LARP4B: variants seen among roughly 807,000 people sequenced by gnomAD.
LARP4B encodes the protein la-related protein 4B.
In LARP4B, 12 loss-of-function variants were observed where a neutral mutation model predicts 89.8. The ratio of observed to expected loss-of-function variants is 0.13; its 90% confidence interval spans 0.09 to 0.22. The LOEUF is 0.22. LARP4B is among the 10% of genes least tolerant of loss of function. The pLI, the probability that LARP4B is intolerant of heterozygous loss-of-function variation, is 1.00. For synonymous variants in LARP4B, 367 were observed against 363.3 expected (o/e 1.01, Z -0.12); for missense variants, 757 against 947.7 (o/e 0.80, Z 2.64).
intron 3 of LARP4B, among the ~76,000 whole-genome samples, chr10:877,864 C>T (rs748639247): frequency 2.0e-5 from 3 of 152,150 alleles, no homozygotes; most frequent in Non-Finnish European, 2.9e-5. Context: ...CATTCTAGTC[C>T]AGGGAGACAA....
chr10:948,350 G>A, the LARP4B span, among the ~76,000 whole-genome samples: 8 of 152,120 alleles, frequency 5.3e-5, no homozygotes, highest in South Asian at 2.1e-4. Flanking sequence ...AGGTTCAAGC[G>A]ATTCTCCTGC....
chr10:844,256 G>GC (rs1833667130), intron 6 of LARP4B, among the ~76,000 whole-genome samples: 1 of 152,190 alleles, frequency 6.6e-6, no homozygotes, highest in Non-Finnish European at 1.5e-5. Flanking sequence ...TTCCACTGGT[G>GC]CCCCTGCACC....
At chr10:842,080 G>C (rs1166975921) in intron 7 of LARP4B, among the ~76,000 whole-genome samples, 1 of 152,074 alleles carries the variant, frequency 6.6e-6, no homozygotes, top group Non-Finnish European at 1.5e-5. Flanking sequence ...ATTGAGACTT[G>C]AAGTCAGGCT....
At chr10:947,437 A>G in the LARP4B span, among the ~76,000 whole-genome samples, 35,234 of 151,896 alleles carry the variant, frequency 0.23, 4,832 homozygotes, top group African/African-American at 0.39. Flanking sequence ...AGGCAGTCAG[A>G]ACACACCACG....
chr10:898,987 T>G (rs1836261658), intron 1 of LARP4B, among the ~76,000 whole-genome samples: 1 of 152,230 alleles, frequency 6.6e-6, no homozygotes, highest in African/African-American at 2.4e-5. Flanking sequence ...CTCAGAGAAG[T>G]GCACCTACAG....
intron 1 of LARP4B, among the ~76,000 whole-genome samples, chr10:909,472 T>C (rs1345436053): frequency 6.6e-6 from 1 of 151,992 alleles, no homozygotes; most frequent in African/African-American, 2.4e-5. Flanking sequence ...CCCCTAAAAT[T>C]GTTACTTACA....
chr10:910,429 TGA>T (rs1431489482), intron 1 of LARP4B, among the ~76,000 whole-genome samples: 1 of 152,244 alleles, frequency 6.6e-6, no homozygotes, highest in Admixed American at 6.5e-5. Flanking sequence ...CTGGTTTTTC[TGA>T]GAGTGGCGCT....
chr10:873,085 C>A, intron 3 of LARP4B: 1 of 985,312 alleles, frequency 1.0e-6, no homozygotes. Flanking sequence ...ATTTTTGTAA[C>A]AGGCCAGTTT....
At chr10:978,574 T>C in the LARP4B span, among the ~76,000 whole-genome samples, 1 of 152,176 alleles carries the variant, frequency 6.6e-6, no homozygotes, top group Non-Finnish European at 1.5e-5. Flanking sequence ...ATCATTAACC[T>C]AGGAATTATA....
chr10:884,950 TTTTG>T (rs1227791956), intron 2 of LARP4B, among the ~76,000 whole-genome samples: 1 of 152,194 alleles, frequency 6.6e-6, no homozygotes, highest in East Asian at 1.9e-4. Flanking sequence ...GCTATAACAA[TTTTG>T]TTTTTGTTAT....
intron 5 of LARP4B, among the ~76,000 whole-genome samples, chr10:860,929 G>C (rs1441674307): frequency 2.6e-5 from 4 of 152,242 alleles, no homozygotes; most frequent in Admixed American, 2.6e-4. Context: ...GGCCGAGGTG[G>C]GCGGGTCATG....
chr10:916,973 T>C (rs1836838136), intron 1 of LARP4B, among the ~76,000 whole-genome samples: 1 of 152,148 alleles, frequency 6.6e-6, no homozygotes, highest in East Asian at 1.9e-4. Flanking sequence ...GCTGAGATTA[T>C]AGCTATGAGC....
At chr10:890,282 A>G (rs1835976675) in intron 1 of LARP4B, among the ~76,000 whole-genome samples, 1 of 152,222 alleles carries the variant, frequency 6.6e-6, no homozygotes, top group Admixed American at 6.5e-5. Flanking sequence ...ATCTCATCCA[A>G]TTGTGTAAAC....
At chr10:859,642 G>T (rs1488622937) in intron 5 of LARP4B, among the ~76,000 whole-genome samples, 1 of 152,188 alleles carries the variant, frequency 6.6e-6, no homozygotes, top group Non-Finnish European at 1.5e-5. Context: ...TCCTTCAGTA[G>T]GTGAATGACT....
Position 812,687 on chromosome 10 carries a change from T to TA in LARP4B, c.*238dup. The TA allele has an allele frequency of 2.7e-6, 1 of 369,658 alleles. No homozygotes were observed. Among genetic ancestry groups the TA allele is most frequent in the Non-Finnish European group, 4.8e-6 (1 of 209,194 alleles). The allele number at this position is 369,658 out of a possible 1,614,324, so 22.9% of individuals were successfully genotyped here. A position where few individuals can be genotyped will look rare whatever the true frequency, so the allele number is the denominator to read the frequency against. ...CTATCTTGGAAAAAAAAATCAGACT[T>TA]ATGCATCACCTCCAGTTAAGCACCA... On this transcript the variant is annotated 3_prime_UTR_variant, in exon 18 of 18. Transcript: ENST00000316157.
Position 814,800 on chromosome 10 carries a change from A to T in LARP4B, c.1871T>A (p.Leu624His). Residue 624 changes from leucine to histidine, a missense_variant, in exon 17 of 18, where the codon CTT becomes CAT. By Grantham distance (99) the Leu-to-His change is moderately conservative. Around this residue, in one of 5 missense-constraint regions of LARP4B, gnomAD observed 387 missense variants for 423.6 expected, o/e 0.91. Transcript: ENST00000316157. The surrounding 1 kb of genome is among the most constrained non-coding windows in gnomAD (Gnocchi z 4.4). ...CGCGGTCGCAGTGAGGGCGGAAGGA[A>T]GTCTGTCCACACTGTGGGTTTCCCT... ...KQRETHSVDR[L>H]PSALTATACK... The T allele has an allele frequency of 6.2e-7, 1 of 1,605,362 alleles. No individual in the cohort carries two copies. Among genetic ancestry groups the T allele is most frequent in the Middle Eastern group, 1.7e-4 (1 of 6,054 alleles).
At position 822,077 on chromosome 10, in the gene LARP4B, C is replaced by G. The variant is rs1398522223; in HGVS notation, c.1485-1232G>C. Among the ~76,000 whole-genome samples, 2 of 152,226 alleles carry G rather than the reference C, an allele frequency of 1.3e-5. No homozygotes were observed. The highest frequency in any genetic ancestry group is 2.4e-5 in the African/African-American group (1 of 41,448). The stretch of plus-strand genomic sequence containing the variant: ...TACACACCTGGCTCAGCACCACTCC[C>G]TAATAGGGGGTGCTCCCAAAACCCA... On this transcript the variant is annotated intron_variant, in intron 13 of 17. Coordinates refer to ENST00000316157, the MANE Select transcript of LARP4B (RefSeq NM_015155.3). The surrounding 1 kb of genome is among the most constrained non-coding windows in gnomAD (Gnocchi z 4.6).
intron 1 of LARP4B, among the ~76,000 whole-genome samples, chr10:887,827 C>T (rs549390261): frequency 1.3e-3 from 191 of 152,094 alleles, no homozygotes; most frequent in Non-Finnish European, 2.3e-3. Flanking sequence ...AGTTCGAGAC[C>T]AGCCTGGCCA....
chr10:863,108 T>C (rs543817126), intron 5 of LARP4B, among the ~76,000 whole-genome samples: 1 of 152,286 alleles, frequency 6.6e-6, no homozygotes, highest in African/African-American at 2.4e-5. Context: ...CTACCTACAA[T>C]ACCACAGCAT....
Sources: allele counts gnomAD v4.1 joint callset (sites outside exome capture counted in the v4.1 genomes callset), GRCh38; gene constraint gnomAD v4.1.1; regional missense constraint gnomAD v4.1.1; non-coding constraint Gnocchi (gnomAD v3.1); transcripts MANE v1.5; gene names NCBI Gene and HGNC (gene_info 2026-07-23, HGNC 2026-07-21).